SPTSSA: variants seen among roughly 807,000 people sequenced by gnomAD.
The protein encoded by SPTSSA is small subunit of serine palmitoyltransferase A.
Under a neutral mutation model 9.1 loss-of-function variants are expected in SPTSSA, and 8 were observed. That is an observed-to-expected ratio of 0.88 (90% CI 0.51 to 1.58). The LOEUF is 1.58. Among genes scored for constraint, SPTSSA ranks in the 40% most tolerant of loss-of-function variants. SPTSSA has a pLI of 0.00. For synonymous variants in SPTSSA, 42 were observed against 37.7 expected (o/e 1.11, Z -0.41); for missense variants, 100 against 93.8 (o/e 1.07, Z -0.27).
chr14:34,458,193 T>G (rs1878529210), intron 1 of SPTSSA, among the ~76,000 whole-genome samples: 1 of 145,878 alleles, frequency 6.9e-6, no homozygotes, highest in East Asian at 2.0e-4. Context: ...AAAATACTTA[T>G]ATTCAATTGA....
chr14:34,450,413 T>G (rs1190273004), intron 1 of SPTSSA, among the ~76,000 whole-genome samples: 1 of 152,128 alleles, frequency 6.6e-6, no homozygotes, highest in Non-Finnish European at 1.5e-5. Flanking sequence ...CTGTTTCACA[T>G]GTACACAAAG....
intron 1 of SPTSSA, among the ~76,000 whole-genome samples, chr14:34,447,686 TG>T (rs1883445657): frequency 6.6e-6 from 1 of 152,224 alleles, no homozygotes; most frequent in Non-Finnish European, 1.5e-5. Context: ...GTTCATGCAC[TG>T]GGCCCCAACA....
rs185213693 is a variant in SPTSSA, at chr14:34,454,885, G to A, written c.112+7211C>T. 3.9e-5 allele frequency among the ~76,000 whole-genome samples: 6 copies of A among 152,264 alleles called. No homozygotes were observed. The South Asian group carries it at 6.2e-4, about 16-fold the overall frequency. On this transcript the variant is annotated intron_variant, in intron 1 of 1. Coordinates refer to ENST00000298130, the MANE Select transcript of SPTSSA (RefSeq NM_138288.4). ...GTGGGTCACCTGAGGTCAGGAGTTCGAGACCAGGCTGGCCAACATAGTAAA... is the reference window on the plus strand; with the variant it reads ...GTGGGTCACCTGAGGTCAGGAGTTCAAGACCAGGCTGGCCAACATAGTAAA...
At chr14:34,451,582 G>A (rs562569969) in intron 1 of SPTSSA, among the ~76,000 whole-genome samples, 3 of 151,962 alleles carry the variant, frequency 2.0e-5, no homozygotes, top group Non-Finnish European at 4.4e-5. Context: ...AATTAGCCGG[G>A]CGCGGTGGCG....
chr14:34,444,568 A>T (rs1228454513), intron 1 of SPTSSA, among the ~76,000 whole-genome samples: 1 of 152,132 alleles, frequency 6.6e-6, no homozygotes, highest in East Asian at 1.9e-4. Flanking sequence ...CCTGGCCAAC[A>T]TAGTGAAACC....
At chr14:34,444,546 G>T (rs1315367173) in intron 1 of SPTSSA, among the ~76,000 whole-genome samples, 1 of 152,146 alleles carries the variant, frequency 6.6e-6, no homozygotes, top group Non-Finnish European at 1.5e-5. Context: ...GAGGTCAACA[G>T]TTCAAGACCA....
chr14:34,440,930 G>A (rs1214621632), intron 1 of SPTSSA, among the ~76,000 whole-genome samples: 1 of 151,178 alleles, frequency 6.6e-6, no homozygotes, highest in African/African-American at 2.4e-5. Context: ...GCTCAATTTT[G>A]TGAACATTAA....
At chr14:34,443,551 T>G (rs1308132541) in intron 1 of SPTSSA, among the ~76,000 whole-genome samples, 3 of 37,798 alleles carry the variant, frequency 7.9e-5, no homozygotes, top group African/African-American at 3.2e-4. Context: ...GTGTGTGTGT[T>G]TTGAGATGGA....
intron 1 of SPTSSA, among the ~76,000 whole-genome samples, chr14:34,450,333 C>A (rs1375992182): frequency 6.6e-6 from 1 of 152,192 alleles, no homozygotes; most frequent in Non-Finnish European, 1.5e-5. Flanking sequence ...CTTTCATTAA[C>A]ATTTTAGGAT....
intron 1 of SPTSSA, among the ~76,000 whole-genome samples, chr14:34,435,693 G>A (rs1049361481): frequency 1.5e-5 from 2 of 137,094 alleles, no homozygotes; most frequent in African/African-American, 2.8e-5. Flanking sequence ...GTAATGGCAC[G>A]ATCTCGGCTC....
At chr14:34,450,593 C>A (rs1195987588) in intron 1 of SPTSSA, among the ~76,000 whole-genome samples, 1 of 144,036 alleles carries the variant, frequency 6.9e-6, no homozygotes, top group Admixed American at 6.8e-5. Context: ...TTCCATGACT[C>A]AAGCAATAGA....
intron 1 of SPTSSA, among the ~76,000 whole-genome samples, chr14:34,460,115 A>G (rs950046902): frequency 6.6e-6 from 1 of 152,192 alleles, no homozygotes; most frequent in African/African-American, 2.4e-5. Context: ...TGAGGATTCA[A>G]TCTCAAATTG....
At chr14:34,453,182 T>G (rs1883558346) in intron 1 of SPTSSA, among the ~76,000 whole-genome samples, 1 of 152,164 alleles carries the variant, frequency 6.6e-6, no homozygotes, top group Non-Finnish European at 1.5e-5. Context: ...GTACACAGAT[T>G]TTCAACTGCC....
intron 1 of SPTSSA, among the ~76,000 whole-genome samples, chr14:34,451,582 G>C (rs562569969): frequency 0.011 from 1,644 of 152,072 alleles, 33 homozygotes; most frequent in African/African-American, 0.038. Context: ...AATTAGCCGG[G>C]CGCGGTGGCG....
At chr14:34,442,382 A>G (rs368682005) in intron 1 of SPTSSA, among the ~76,000 whole-genome samples, 1 of 152,204 alleles carries the variant, frequency 6.6e-6, no homozygotes, top group South Asian at 2.1e-4. Flanking sequence ...GTTTATGGCT[A>G]TTCTTCTAAA....
chr14:34,435,415 AT>A lies in SPTSSA; in HGVS notation c.113-112del, dbSNP rs1883224407. Reference sequence around the variant, plus strand: ...GTACCCATTCACTTAGTGCTTTCTCATTTATATCAAGCACTGATAAAAAAAA... The same window carrying A: ...GTACCCATTCACTTAGTGCTTTCTCATTATATCAAGCACTGATAAAAAAAA... On this transcript the variant is annotated intron_variant, in intron 1 of 1. Transcript: ENST00000298130. 6.1e-6 allele frequency: 4 copies of A among 651,602 alleles called. No homozygotes were observed. In the South Asian group the frequency reaches 9.2e-5, roughly 15 times the overall value. The allele number at this position is 651,602 out of a possible 1,614,324, so 40.4% of individuals were successfully genotyped here.
intron 1 of SPTSSA, among the ~76,000 whole-genome samples, chr14:34,439,227 G>A (rs1343210480): frequency 2.0e-5 from 3 of 152,064 alleles, no homozygotes; most frequent in Non-Finnish European, 4.4e-5. Context: ...GGTGGGATAC[G>A]GAAAATCCAC....
Position 34,462,162 on chromosome 14 carries a change from A to T in SPTSSA, c.46T>A (p.Phe16Ile). The change falls in exon 1 of 2, where the codon TTC (phenylalanine) becomes ATC (isoleucine). Residue 16 changes from phenylalanine to isoleucine, a missense_variant. Transcript: ENST00000298130. ...LARAWKQMSW[F>I]YYQYLLVTAL... is the part of the protein sequence containing the mutation. Reference sequence around the variant, plus strand: ...GTGACCAGCAGGTACTGGTAGTAGAACCAGGACATCTGCTTCCAGGCCCGC... The same window carrying T: ...GTGACCAGCAGGTACTGGTAGTAGATCCAGGACATCTGCTTCCAGGCCCGC... The T allele has an allele frequency of 6.5e-7, 1 of 1,531,854 alleles. No individual in the cohort carries two copies. The highest frequency in any genetic ancestry group is 8.8e-7 in the Non-Finnish European group (1 of 1,135,062). 94.9% of individuals were successfully genotyped at this position (1,531,854 alleles called of 1,614,324 possible).
At chr14:34,449,856 T>C (rs541252026) in intron 1 of SPTSSA, among the ~76,000 whole-genome samples, 21 of 152,204 alleles carry the variant, frequency 1.4e-4, no homozygotes, top group Non-Finnish European at 2.8e-4. Context: ...GCTAAACATA[T>C]ACATAACAGA....
Sources: allele counts gnomAD v4.1 joint callset (sites outside exome capture counted in the v4.1 genomes callset), GRCh38; gene constraint gnomAD v4.1.1; transcripts MANE v1.5; gene names NCBI Gene and HGNC (gene_info 2026-07-23, HGNC 2026-07-21).